COL27A1: variants seen among roughly 807,000 people sequenced by gnomAD.
The protein encoded by COL27A1 is collagen type XXVII alpha 1 chain, also known as collagen alpha-1(XXVII) chain.
COL27A1 carries 106 observed loss-of-function variants against 251.3 expected under a neutral mutation model. That is an observed-to-expected ratio of 0.42 (90% confidence interval 0.36 to 0.50). The LOEUF is 0.50. COL27A1 is among the 20% of genes least tolerant of loss of function. The pLI, the probability that COL27A1 is intolerant of heterozygous loss-of-function variation, is 0.00. For synonymous variants in COL27A1, 1,000 were observed against 986.3 expected, an observed-to-expected ratio of 1.01 and a Z score of -0.26; for missense variants, 2,325 against 2,522.8, an observed-to-expected ratio of 0.92 and a Z score of 1.68.
chr9:114,159,142 G>C (rs964891440), intron 1 of COL27A1, among the ~76,000 whole-genome samples: 4 of 152,230 alleles, frequency 2.6e-5, no homozygotes, highest in Non-Finnish European at 4.4e-5. Context: ...GAATACTTCT[G>C]TAATAGGCCT....
chr9:114,275,283 G>A (rs1835422372), intron 36 of COL27A1, among the ~76,000 whole-genome samples: 1 of 151,974 alleles, frequency 6.6e-6, no homozygotes, highest in South Asian at 2.1e-4. Context: ...AAAAAAATCT[G>A]CTTCATAAGA....
At position 114,283,712 on chromosome 9, in the gene COL27A1, G is replaced by A; in HGVS notation, c.3883G>A (p.Ala1295Thr). ...CGAGGGTCTCCTCCTCTTGTAGGGT[G>A]CTCCGGGACGCATGGGGGCCCAAGG... is the stretch of plus-strand genomic sequence containing the variant. ...GSRGSLGPTG[A>T]PGRMGAQGEP... Residue 1295 changes from alanine (A) to threonine (T), a missense_variant, in exon 40 of 61, where the codon GCT becomes ACT. Transcript: ENST00000356083. 1 of 1,614,088 alleles carries A rather than the reference G, an allele frequency of 6.2e-7. No homozygotes were observed. The highest frequency in any genetic ancestry group is 8.5e-7 in the Non-Finnish European group (1 of 1,179,968).
chr9:114,262,569 C>T (rs1027143748), intron 28 of COL27A1, among the ~76,000 whole-genome samples: 4 of 152,266 alleles, frequency 2.6e-5, no homozygotes, highest in Non-Finnish European at 5.9e-5. Flanking sequence ...TTCTGCGTGC[C>T]AGGCACTGAG....
chr9:114,162,592 T>C, intron 1 of COL27A1, 123 bp from the exon 2 acceptor site: 1 of 710,940 alleles, frequency 1.4e-6, no homozygotes, highest in Non-Finnish European at 2.5e-6. Context: ...CCTGGCCTCC[T>C]GCCTCCCGTG....
chr9:114,171,195 TG>T (rs71492768), intron 3 of COL27A1, among the ~76,000 whole-genome samples: 23,485 of 152,182 alleles, frequency 0.15, 2,214 homozygotes, highest in East Asian at 0.39. Flanking sequence ...AGTGGTTGCT[TG>T]GGGATGACTT....
rs750860049 is a variant in COL27A1, at chr9:114,169,259, G to A, written c.1704G>A (p.Leu568=). Residue 568 remains leucine, a synonymous_variant, in exon 3 of 61, where the codon TTG becomes TTA. Transcript: ENST00000356083. ...GGAAGGCAGCCAGGGATGTCCCCTT[G>A]AGCGATCTGACAACCAGGCCTAGCC... ...RPGKAARDVP[L]SDLTTRPSPR... is the part of the protein sequence containing the mutation. The A allele has an allele frequency of 2.5e-5, 40 of 1,612,920 alleles. No individual in the cohort carries two copies. The highest frequency in any genetic ancestry group is 3.1e-5 in the Non-Finnish European group (37 of 1,179,460).
chr9:114,309,964 G>A (rs1270927885), intron 60 of COL27A1, among the ~76,000 whole-genome samples: 1 of 152,188 alleles, frequency 6.6e-6, no homozygotes, highest in Non-Finnish European at 1.5e-5. Flanking sequence ...CAACAATCTC[G>A]CATGAAGCTG....
chr9:114,290,410 G>C lies in COL27A1; in HGVS notation c.4368+79G>C, dbSNP rs1827836280. 7.7e-7 allele frequency: 1 copy of C among 1,303,772 alleles called. No individual in the cohort carries two copies. The highest frequency in any genetic ancestry group is 2.5e-5 in the East Asian group (1 of 39,740). 80.8% of individuals were successfully genotyped at this position (1,303,772 alleles called of 1,614,324 possible). On this transcript the variant is annotated intron_variant, in intron 47 of 60. Transcript: ENST00000356083. This position sits in a 1 kb window ranked among gnomAD's most constrained non-coding sequence, Gnocchi z 4.6. ...GGGAACTTCCCCAGGCCATGGGCCA[G>C]AGGAGCCCGTTTGGAAACTTGGATG...
At chr9:114,302,204 C>G in intron 56 of COL27A1, 96 bp downstream of exon 56, 1 of 1,046,538 alleles carries the variant, frequency 9.6e-7, no homozygotes. Flanking sequence ...GTGGCTAGAG[C>G]CCTAAGCTGG....
chr9:114,294,355 C>G (rs537040604), intron 49 of COL27A1, among the ~76,000 whole-genome samples: 1 of 151,634 alleles, frequency 6.6e-6, no homozygotes, highest in Non-Finnish European at 1.5e-5. Flanking sequence ...GCTGATTCTA[C>G]CCTGATGTCA....
intron 3 of COL27A1, among the ~76,000 whole-genome samples, chr9:114,177,111 C>T (rs528612544): frequency 4.2e-4 from 64 of 152,292 alleles, no homozygotes; most frequent in Admixed American, 3.8e-3. Flanking sequence ...TTTACTCCTT[C>T]GAGGTAAATG....
chr9:114,307,735 C>T lies in COL27A1; in HGVS notation c.5174C>T (p.Thr1725Ile), dbSNP rs1387366292. Reference protein sequence around the residue: ...SDTIEVSCNFTHGGQTCLKPI... With the variant: ...SDTIEVSCNFIHGGQTCLKPI... ...ACCATCGAGGTCTCCTGCAACTTCA[C>T]TCATGGTGGACAGACGTGTCTCAAG... The change falls in exon 59 of 61, where the codon ACT becomes ATT. Residue 1725 changes from threonine to isoleucine, a missense_variant. Around this residue, in one of 4 missense-constraint regions of COL27A1, gnomAD observed 327 missense variants for 442.8 expected, o/e 0.74. Coordinates refer to ENST00000356083, the MANE Select transcript of COL27A1 (RefSeq NM_032888.4). 1.2e-6 allele frequency: 2 copies of T among 1,614,202 alleles called. No individual in the cohort carries two copies. The highest frequency in any genetic ancestry group is 2.2e-5 in the East Asian group (1 of 44,882).
At chr9:114,253,347 AAGG>A (rs1833686286) in intron 27 of COL27A1, among the ~76,000 whole-genome samples, 1 of 136,818 alleles carries the variant, frequency 7.3e-6, no homozygotes, top group African/African-American at 3.0e-5. Context: ...AGAAAGAAAG[AAGG>A]GAGTGGAGGA....
At chr9:114,228,374 C>T (rs374539935) in intron 14 of COL27A1, among the ~76,000 whole-genome samples, 82 of 152,362 alleles carry the variant, frequency 5.4e-4, no homozygotes, top group Middle Eastern at 3.4e-3. Context: ...TTTATTTGTG[C>T]ATCAGGGGGA....
intron 37 of COL27A1, among the ~76,000 whole-genome samples, chr9:114,277,862 C>A (rs544987997): frequency 2.0e-5 from 3 of 152,144 alleles, no homozygotes; most frequent in Non-Finnish European, 2.9e-5. Context: ...TTCTAGGGAC[C>A]CTTTTTTAGT....
Position 114,162,785 on chromosome 9 carries a change from G to A in COL27A1, c.133G>A (p.Asp45Asn). 6.2e-7 allele frequency: 1 copy of A among 1,610,086 alleles called. No individual in the cohort carries two copies. Among genetic ancestry groups the A allele is most frequent in the Non-Finnish European group, 8.5e-7 (1 of 1,176,930 alleles). ...HLASTQGAPE[D>N]VDILQRLGLS... ...GGCCTCCACCCAAGGAGCTCCTGAA[G>A]GTAATTCTCTCTTCTCTTTGTCCAG... Residue 45 changes from aspartate to asparagine, a missense_variant and splice_region_variant, in exon 2 of 61, where the codon GAT becomes AAT. Around this residue, in one of 4 missense-constraint regions of COL27A1, gnomAD observed 1,183 missense variants for 1,144.1 expected, o/e 1.03. Transcript: ENST00000356083.
Position 114,155,883 on chromosome 9 carries a change from G to T in COL27A1, c.-68G>T. ...CCGGCCTGGCGCGGCGGGGCGGGGG[G>T]CTGGCGGCCCCATGGGGCGCGCCCA... On this transcript the variant is annotated 5_prime_UTR_variant, in exon 1 of 61. Coordinates refer to ENST00000356083, the MANE Select transcript of COL27A1 (RefSeq NM_032888.4). The surrounding 1 kb of genome is among the most constrained non-coding windows in gnomAD (Gnocchi z 5.5). The T allele has an allele frequency of 8.9e-7, 1 of 1,123,720 alleles. No individual in the cohort carries two copies. The highest frequency in any genetic ancestry group is 1.1e-6 in the Non-Finnish European group (1 of 913,808). The allele number at this position is 1,123,720 out of a possible 1,614,324, so 69.6% of individuals were successfully genotyped here. A position where few individuals can be genotyped will look rare whatever the true frequency, so the allele number is the denominator to read the frequency against.
At chr9:114,230,989 C>A (rs959926684) in intron 14 of COL27A1, 90 bp from the exon 15 acceptor site, 3 of 1,083,818 alleles carry the variant, frequency 2.8e-6, no homozygotes, top group Non-Finnish European at 4.1e-6. Context: ...GAAGCCCAGG[C>A]CCAGGGACCT....
At position 114,290,613 on chromosome 9, in the gene COL27A1, G is replaced by A. The variant is rs565790183; in HGVS notation, c.4369-197G>A. 2.6e-5 allele frequency among the ~76,000 whole-genome samples: 4 copies of A among 151,750 alleles called. No individual in the cohort carries two copies. The highest frequency in any genetic ancestry group is 6.6e-5 in the Admixed American group (1 of 15,206). On this transcript the variant is annotated intron_variant, in intron 47 of 60. Coordinates refer to ENST00000356083, the MANE Select transcript of COL27A1 (RefSeq NM_032888.4). The surrounding 1 kb of genome is among the most constrained non-coding windows in gnomAD (Gnocchi z 4.6). ...CCGCCCCTTCCTCACTCAGAATCCC[G>A]CCCTTCCCCACTCACAATCCTCAGC...
Sources: gnomAD v4.1 joint callset for allele counts (sites outside exome capture counted in the v4.1 genomes callset) on GRCh38, gnomAD v4.1.1 for gene constraint, gnomAD v4.1.1 regional missense constraint, Gnocchi (gnomAD v3.1) non-coding constraint, MANE v1.5 for transcripts, NCBI Gene and HGNC (gene_info 2026-07-23, HGNC 2026-07-21) for gene names.